The following DZIP3 variants were observed in gnomAD, a reference collection of about 807,000 sequenced individuals.
DZIP3 encodes E3 ubiquitin-protein ligase DZIP3.
In DZIP3, 118 loss-of-function variants were observed where a neutral mutation model predicts 162.0. The observed-to-expected ratio is 0.73, with a 90% CI of 0.63 to 0.85. DZIP3 has a LOEUF of 0.85. DZIP3 is among the 40% of genes least tolerant of loss of function. The pLI is 0.00. For synonymous variants in DZIP3, 438 were observed against 458.6 expected (o/e 0.96, Z 0.57); for missense variants, 1,331 against 1,407.0 (o/e 0.95, Z 0.86).
chr3:108,671,509 T>C (rs1943925903), intron 22 of DZIP3, among the ~76,000 whole-genome samples: 1 of 151,972 alleles, frequency 6.6e-6, no homozygotes, highest in Non-Finnish European at 1.5e-5. Flanking sequence ...ATTTACCTAA[T>C]GTCCTTCATA....
intron 8 of DZIP3, among the ~76,000 whole-genome samples, chr3:108,631,055 A>ACACTCTCTCTCTCTCTCT: frequency 5.6e-4 from 10 of 18,018 alleles, no homozygotes; most frequent in Non-Finnish European, 7.2e-4. Flanking sequence ...ACACACACAC[A>ACACTCTCTCTCTCTCTCT]CTCTCTCTCT....
At chr3:108,631,055 A>ACACACACACACTCTCTCTCTCT in intron 8 of DZIP3, among the ~76,000 whole-genome samples, 11 of 18,004 alleles carry the variant, frequency 6.1e-4, no homozygotes, top group South Asian at 2.4e-3. Context: ...ACACACACAC[A>ACACACACACACTCTCTCTCTCT]CTCTCTCTCT....
chr3:108,691,083 A>T (rs1251361497), intron 32 of DZIP3, 180 bp downstream of exon 32: 4 of 539,566 alleles, frequency 7.4e-6, no homozygotes, highest in East Asian at 3.0e-5. Context: ...AAAGAGCTTG[A>T]AGCAGATGGA....
chr3:108,629,625 C>T (rs1201590543), intron 8 of DZIP3, among the ~76,000 whole-genome samples: 1 of 151,966 alleles, frequency 6.6e-6, no homozygotes, highest in Non-Finnish European at 1.5e-5. Flanking sequence ...TCCAGACACA[C>T]ACACACACAC....
At chr3:108,600,449 TA>T (rs1559716204) in intron 1 of DZIP3, among the ~76,000 whole-genome samples, 1 of 152,148 alleles carries the variant, frequency 6.6e-6, no homozygotes, top group Non-Finnish European at 1.5e-5. Context: ...GTTTAAAGAC[TA>T]AAGTAGATGT....
intron 27 of DZIP3, 95 bp downstream of exon 27, chr3:108,684,436 A>G (rs995878605): frequency 2.4e-5 from 35 of 1,433,368 alleles, no homozygotes; most frequent in Middle Eastern, 1.8e-4. Flanking sequence ...CATTCATTTG[A>G]TATGATAATG....
intron 12 of DZIP3, among the ~76,000 whole-genome samples, chr3:108,641,662 A>G (rs12489468): frequency 0.053 from 8,073 of 152,288 alleles, 917 homozygotes; most frequent in East Asian, 0.52. Flanking sequence ...CACCAACAGT[A>G]TGGGAGATAC....
At chr3:108,639,281 T>C (rs1036019103) in intron 12 of DZIP3, among the ~76,000 whole-genome samples, 2 of 152,242 alleles carry the variant, frequency 1.3e-5, no homozygotes, top group Non-Finnish European at 2.9e-5. Flanking sequence ...TAGCATAATA[T>C]CTGGCACATA....
At chr3:108,630,764 C>T (rs979209222) in intron 8 of DZIP3, among the ~76,000 whole-genome samples, 1 of 151,542 alleles carries the variant, frequency 6.6e-6, no homozygotes, top group African/African-American at 2.4e-5. Context: ...TTATTTTATG[C>T]ACAATAATAT....
rs1233469479 is a variant in DZIP3, at chr3:108,615,303, G to C, written c.259-1238G>C. Among the ~76,000 whole-genome samples, 4 of 152,244 alleles carry C rather than the reference G, an allele frequency of 2.6e-5. No homozygotes were observed. In the South Asian group the frequency reaches 8.3e-4, roughly 32 times the overall value. On this transcript the variant is annotated intron_variant, in intron 4 of 32. Transcript: ENST00000361582. ...TGGGAGACTGATTTGAAACCACCTA[G>C]GCTGTTTGACAGAGGTGGAACTTCA...
intron 19 of DZIP3, among the ~76,000 whole-genome samples, chr3:108,658,384 A>T (rs1943247972): frequency 6.6e-6 from 1 of 152,210 alleles, no homozygotes; most frequent in African/African-American, 2.4e-5. Context: ...CTGCTCCTGA[A>T]TGACTACTGG....
At chr3:108,602,942 T>C (rs1430927846) in intron 1 of DZIP3, 1 of 152,224 alleles carries the variant, frequency 6.6e-6, no homozygotes, top group African/African-American at 2.4e-5. Context: ...AGCCCTAGCC[T>C]TTCTTAACTC....
chr3:108,609,098 A>G (rs1182823117), intron 3 of DZIP3, among the ~76,000 whole-genome samples: 3 of 152,104 alleles, frequency 2.0e-5, no homozygotes, highest in Admixed American at 2.0e-4. Context: ...CACTAGGGAG[A>G]TGATGCTAAA....
intron 12 of DZIP3, among the ~76,000 whole-genome samples, 190 bp downstream of exon 12, chr3:108,637,738 C>T (rs1012267322): frequency 3.9e-5 from 6 of 152,050 alleles, no homozygotes; most frequent in Non-Finnish European, 2.9e-5. Flanking sequence ...CATTCTAAAG[C>T]GGAGATGGAG....
At chr3:108,632,672 T>C (rs1347218385) in intron 8 of DZIP3, among the ~76,000 whole-genome samples, 1 of 152,154 alleles carries the variant, frequency 6.6e-6, no homozygotes, top group Admixed American at 6.5e-5. Context: ...ATGAGTTAGA[T>C]GATAAAGAGA....
At chr3:108,646,691 C>G in intron 15 of DZIP3, 42 bp downstream of exon 15, 1 of 1,318,418 alleles carries the variant, frequency 7.6e-7, no homozygotes, top group South Asian at 1.3e-5. Flanking sequence ...GACTTTTTAA[C>G]AAGGGATACC....
At position 108,611,573 on chromosome 3, in the gene DZIP3, G is replaced by A. The variant is rs774394339; in HGVS notation, c.258+244G>A. 2.0e-5 allele frequency among the ~76,000 whole-genome samples: 3 copies of A among 152,314 alleles called. No homozygotes were observed. In the East Asian group the frequency reaches 5.8e-4, roughly 29 times the overall value. Reference sequence around the variant, plus strand: ...AATGTGGGTTGGTAGCTTGTAAGCTGTTGACTACAAGGTCTAGTGTTTATT... The same window carrying A: ...AATGTGGGTTGGTAGCTTGTAAGCTATTGACTACAAGGTCTAGTGTTTATT... On this transcript the variant is annotated intron_variant, in intron 4 of 32. Coordinates refer to ENST00000361582, the MANE Select transcript of DZIP3 (RefSeq NM_014648.4).
chr3:108,658,190 T>C lies in DZIP3; in HGVS notation c.2200-3687T>C, dbSNP rs552810274. Among the ~76,000 whole-genome samples the C allele has an allele frequency of 2.2e-4, 34 of 152,092 alleles. 1 individual carries two copies. In the South Asian group the frequency reaches 4.6e-3, roughly 20 times the overall value. On this transcript the variant is annotated intron_variant, in intron 19 of 32. Coordinates refer to ENST00000361582, the MANE Select transcript of DZIP3 (RefSeq NM_014648.4). ...ACCCCAAATCAACAGAATATACATT[T>C]TTCTCAGCACCACACCACACCTATT...
chr3:108,616,082 G>T (rs578070816), intron 4 of DZIP3, among the ~76,000 whole-genome samples: 1 of 152,256 alleles, frequency 6.6e-6, no homozygotes, highest in Admixed American at 6.5e-5. Flanking sequence ...AGCTAAAATG[G>T]TGAAACCCCA....
Sources: allele counts gnomAD v4.1 joint callset (sites outside exome capture counted in the v4.1 genomes callset), GRCh38; gene constraint gnomAD v4.1.1; transcripts MANE v1.5; gene names NCBI Gene and HGNC (gene_info 2026-07-23, HGNC 2026-07-21).